GLDN: variants seen among roughly 807,000 people sequenced by gnomAD.
GLDN encodes collomin.
In GLDN, 47 loss-of-function variants were observed where a neutral mutation model predicts 56.5. The ratio of observed to expected loss-of-function variants is 0.83; its 90% CI spans 0.66 to 1.06. The LOEUF is 1.06. Ranked by LOEUF, GLDN falls within the 50% of genes least tolerant of loss-of-function variation. The pLI, the probability that GLDN is intolerant of heterozygous loss-of-function variation, is 0.00. For missense variants in GLDN, 782 were observed against 714.3 expected, an observed-to-expected ratio of 1.09 and a Z score of -1.08; for synonymous variants, 332 against 278.8, an observed-to-expected ratio of 1.19 and a Z score of -1.90.
intron 1 of GLDN, among the ~76,000 whole-genome samples, chr15:51,347,048 G>A (rs1482885792): frequency 6.6e-6 from 1 of 152,170 alleles, no homozygotes; most frequent in South Asian, 2.1e-4. Context: ...CTGGGCGACA[G>A]AGGAGGACTC....
chr15:51,351,382 T>G (rs1332246296), intron 1 of GLDN, among the ~76,000 whole-genome samples: 1 of 152,032 alleles, frequency 6.6e-6, no homozygotes, highest in Non-Finnish European at 1.5e-5. Context: ...GGGGAAAAAA[T>G]TGATTTTTGT....
chr15:51,372,045 G>A (rs968005888), intron 1 of GLDN, among the ~76,000 whole-genome samples: 3 of 152,178 alleles, frequency 2.0e-5, no homozygotes, highest in African/African-American at 4.8e-5. Context: ...GCTGCATCTC[G>A]TGACAGCCTT....
chr15:51,394,121 A>G (rs939457971), intron 4 of GLDN, among the ~76,000 whole-genome samples: 8 of 151,950 alleles, frequency 5.3e-5, no homozygotes, highest in African/African-American at 1.9e-4. Flanking sequence ...CTAGCCTACC[A>G]CTCCAATATG....
At chr15:51,374,378 T>G (rs959399010) in intron 1 of GLDN, among the ~76,000 whole-genome samples, 20 of 152,214 alleles carry the variant, frequency 1.3e-4, no homozygotes, top group African/African-American at 4.8e-4. Context: ...TTACATTCAT[T>G]TATGAAAATG....
At chr15:51,413,042 A>G in the GLDN span, among the ~76,000 whole-genome samples, 1 of 152,108 alleles carries the variant, frequency 6.6e-6, no homozygotes, top group African/African-American at 2.4e-5. Context: ...GGTTGGTTTA[A>G]ATCTACCACC....
At position 51,405,701 on chromosome 15, in the gene GLDN, G is replaced by A. The variant is rs898428686; in HGVS notation, c.*947G>A. ...CCACTATCAAAGTACTAAATGCTGT[G>A]TAAGTAGACGTTAATCTGGCTGGAA... is the stretch of plus-strand genomic sequence containing the variant. On this transcript the variant is annotated 3_prime_UTR_variant, in exon 10 of 10. Coordinates refer to ENST00000335449, the MANE Select transcript of GLDN (RefSeq NM_181789.4). The A allele has an allele frequency of 2.6e-5, 4 of 152,216 alleles. No homozygotes were observed. Among genetic ancestry groups the A allele is most frequent in the African/African-American group, 9.6e-5 (4 of 41,460 alleles). 9.4% of individuals were successfully genotyped at this position (152,216 alleles called of 1,614,324 possible). A position where few individuals can be genotyped will look rare whatever the true frequency, so the allele number is the denominator to read the frequency against.
Position 51,378,684 on chromosome 15 carries a change from A to G in GLDN, c.415+1184A>G, listed in dbSNP as rs2037690306. 5.9e-5 allele frequency among the ~76,000 whole-genome samples: 9 copies of G among 152,216 alleles called. No homozygotes were observed. In the South Asian group the frequency reaches 1.9e-3, roughly 32 times the overall value. Reference sequence around the variant, plus strand: ...TCTTTAGCACTTTGAAGTGCTTTTCAAAAGACAGCACCTTCTCCTTTCATG... The same window carrying G: ...TCTTTAGCACTTTGAAGTGCTTTTCGAAAGACAGCACCTTCTCCTTTCATG... On this transcript the variant is annotated intron_variant, in intron 2 of 9. Coordinates refer to ENST00000335449, the MANE Select transcript of GLDN (RefSeq NM_181789.4).
At chr15:51,412,814 T>G (rs999487455), downstream of GLDN, among the ~76,000 whole-genome samples, 7 of 152,206 alleles carry the variant, frequency 4.6e-5, no homozygotes, top group African/African-American at 1.7e-4. Context: ...CAGCTACATC[T>G]ATTTGTGTAT....
Position 51,350,414 on chromosome 15 carries a change from C to G in GLDN, c.363+8367C>G, listed in dbSNP as rs74978264. On this transcript the variant is annotated intron_variant, in intron 1 of 9. Transcript: ENST00000335449. ...AGGAGGATTAAAAAAGAAAGGGTGA[C>G]CAAAGTCATAAACCCCATGCAGAGC... Among the ~76,000 whole-genome samples the G allele has an allele frequency of 0.015, 2,285 of 152,190 alleles. 185 individuals are homozygous for G. In the East Asian group the frequency reaches 0.25, roughly 17 times the overall value.
chr15:51,358,875 C>A (rs2037237787), intron 1 of GLDN, among the ~76,000 whole-genome samples: 1 of 152,156 alleles, frequency 6.6e-6, no homozygotes, highest in South Asian at 2.1e-4. Flanking sequence ...ACTATAATAC[C>A]GTCCTACACC....
At chr15:51,344,607 TA>T (rs1305974584) in intron 1 of GLDN, among the ~76,000 whole-genome samples, 1 of 152,176 alleles carries the variant, frequency 6.6e-6, no homozygotes, top group Admixed American at 6.5e-5. Flanking sequence ...GGCCCTTTTA[TA>T]CACCACCAGA....
At chr15:51,359,336 C>T (rs2037246947) in intron 1 of GLDN, among the ~76,000 whole-genome samples, 1 of 152,176 alleles carries the variant, frequency 6.6e-6, no homozygotes, top group Non-Finnish European at 1.5e-5. Context: ...ACTATGTTGT[C>T]GTTAGGTCAA....
chr15:51,391,750 AC>A (rs1469156804), intron 4 of GLDN, among the ~76,000 whole-genome samples: 1 of 151,940 alleles, frequency 6.6e-6, no homozygotes, highest in African/African-American at 2.4e-5. Flanking sequence ...GCATGATTTG[AC>A]CCCCATATCA....
At chr15:51,367,768 T>G (rs1160573448) in intron 1 of GLDN, among the ~76,000 whole-genome samples, 3 of 152,202 alleles carry the variant, frequency 2.0e-5, no homozygotes, top group African/African-American at 7.2e-5. Context: ...AGCACCCCAG[T>G]GTCAGCCTGG....
Position 51,397,611 on chromosome 15 carries a change from C to G in GLDN, c.817+13C>G. The G allele has an allele frequency of 6.4e-7, 1 of 1,567,572 alleles. No individual in the cohort carries two copies. Among genetic ancestry groups the G allele is most frequent in the East Asian group, 2.4e-5 (1 of 41,636 alleles). ...GGCCAGTGCCCAGGTCACCACCTCT[C>G]CCCTACGGGGCCCACCTCTTCTGTC... On this transcript the variant is annotated intron_variant, in intron 6 of 9. Transcript: ENST00000335449.
chr15:51,384,045 G>A (rs1184470415), intron 4 of GLDN, 153 bp downstream of exon 4: 20 of 700,694 alleles, frequency 2.9e-5, no homozygotes, highest in South Asian at 2.2e-4. Context: ...ATTGCGTTCC[G>A]GGATACCAAG....
chr15:51,367,131 G>T (rs1402035243), intron 1 of GLDN, among the ~76,000 whole-genome samples: 1 of 152,160 alleles, frequency 6.6e-6, no homozygotes, highest in African/African-American at 2.4e-5. Flanking sequence ...AACCTCCTAG[G>T]CCATCTGCGG....
intron 1 of GLDN, among the ~76,000 whole-genome samples, chr15:51,346,720 T>C (rs2036984787): frequency 6.6e-6 from 1 of 152,174 alleles, no homozygotes; most frequent in Non-Finnish European, 1.5e-5. Flanking sequence ...AACTTCGGCA[T>C]AGCAAACAAC....
chr15:51,362,801 A>G (rs1340005381), intron 1 of GLDN, among the ~76,000 whole-genome samples: 1 of 152,170 alleles, frequency 6.6e-6, no homozygotes, highest in East Asian at 1.9e-4. Flanking sequence ...CAGGTGAAAG[A>G]TGATAGTGGC....
Sources: gnomAD v4.1 joint callset for allele counts (sites outside exome capture counted in the v4.1 genomes callset) on GRCh38, gnomAD v4.1.1 for gene constraint, MANE v1.5 for transcripts, NCBI Gene and HGNC (gene_info 2026-07-23, HGNC 2026-07-21) for gene names.